RAB3C: variants seen among roughly 807,000 people sequenced by gnomAD.
RAB3C encodes ras-related protein Rab-3C.
Under a neutral mutation model 26.4 loss-of-function variants are expected in RAB3C, and 17 were observed. That is an observed-to-expected ratio of 0.64 (90% CI 0.44 to 0.97). The LOEUF (loss-of-function observed/expected upper bound fraction) is 0.97, where lower values mean the gene tolerates loss of function less well. Ranked by LOEUF, RAB3C falls within the 50% of genes least tolerant of loss-of-function variation. The pLI is 0.00. For missense variants in RAB3C, 242 were observed against 281.9 expected, an observed-to-expected ratio of 0.86 and a Z score of 1.01; for synonymous variants, 91 against 95.9, an observed-to-expected ratio of 0.95 and a Z score of 0.30.
intron 3 of RAB3C, among the ~76,000 whole-genome samples, chr5:58,726,632 C>A (rs1238539938): frequency 5.3e-5 from 8 of 151,742 alleles, no homozygotes; most frequent in Non-Finnish European, 1.0e-4. Flanking sequence ...TTCGATCTGT[C>A]CATTTATGAA....
At chr5:58,710,622 A>AT (rs1431206794) in intron 2 of RAB3C, among the ~76,000 whole-genome samples, 6 of 150,466 alleles carry the variant, frequency 4.0e-5, no homozygotes, top group Admixed American at 2.0e-4. Context: ...AAATAAATAA[A>AT]TAAATAAATA....
intron 3 of RAB3C, among the ~76,000 whole-genome samples, chr5:58,794,998 A>G (rs948056926): frequency 5.3e-5 from 8 of 152,224 alleles, no homozygotes; most frequent in Admixed American, 5.2e-4. Context: ...CCCTAATCTC[A>G]TCTTGAATCG....
At chr5:58,722,523 C>T (rs748637814) in intron 2 of RAB3C, among the ~76,000 whole-genome samples, 5 of 151,504 alleles carry the variant, frequency 3.3e-5, no homozygotes, top group Non-Finnish European at 5.9e-5. Context: ...CTGGAAAATA[C>T]GAACCCAAGC....
At chr5:58,730,291 T>G (rs1740987890) in intron 3 of RAB3C, among the ~76,000 whole-genome samples, 2 of 151,790 alleles carry the variant, frequency 1.3e-5, no homozygotes, top group Non-Finnish European at 2.9e-5. Flanking sequence ...GTAAAAAAAA[T>G]CAGAAATCTT....
intron 3 of RAB3C, among the ~76,000 whole-genome samples, chr5:58,745,148 A>C (rs1002450591): frequency 6.6e-5 from 10 of 152,188 alleles, no homozygotes; most frequent in Non-Finnish European, 2.9e-5. Flanking sequence ...CTGTAATCCA[A>C]GCACTTTGGG....
chr5:58,689,193 A>G (rs1356389002), intron 2 of RAB3C: 1 of 152,138 alleles, frequency 6.6e-6, no homozygotes, highest in South Asian at 2.1e-4. Context: ...TGACTCCAGA[A>G]CCTGAACTCT....
chr5:58,633,654 C>T (rs1459859087), intron 2 of RAB3C, among the ~76,000 whole-genome samples: 1 of 152,118 alleles, frequency 6.6e-6, no homozygotes, highest in African/African-American at 2.4e-5. Flanking sequence ...TTAACTGCCT[C>T]TTCCACTAAG....
intron 3 of RAB3C, among the ~76,000 whole-genome samples, chr5:58,736,045 TG>T (rs1310318759): frequency 1.3e-5 from 2 of 152,192 alleles, no homozygotes; most frequent in African/African-American, 2.4e-5. Context: ...CAACAATTTT[TG>T]AAGTTTCATA....
intron 1 of RAB3C, among the ~76,000 whole-genome samples, chr5:58,583,762 A>G (rs1211639366): frequency 6.6e-6 from 1 of 152,074 alleles, no homozygotes; most frequent in East Asian, 1.9e-4. Flanking sequence ...TAGCAAACAC[A>G]TCGGGGCTTG....
chr5:58,825,623 T>C (rs917047512), intron 4 of RAB3C, among the ~76,000 whole-genome samples: 1 of 152,178 alleles, frequency 6.6e-6, no homozygotes, highest in East Asian at 1.9e-4. Flanking sequence ...CTGTTACAAA[T>C]CCTTTTGAGA....
intron 3 of RAB3C, among the ~76,000 whole-genome samples, chr5:58,787,939 A>G (rs561144785): frequency 2.0e-5 from 3 of 152,046 alleles, no homozygotes; most frequent in Non-Finnish European, 4.4e-5. Context: ...AGACATCAAG[A>G]CTTTTCTTTT....
chr5:58,591,159 T>C (rs1746120490), intron 1 of RAB3C, among the ~76,000 whole-genome samples: 1 of 152,192 alleles, frequency 6.6e-6, no homozygotes, highest in Non-Finnish European at 1.5e-5. Flanking sequence ...TGTTTTTAGT[T>C]CAGCATGTGG....
chr5:58,792,015 G>A (rs1293563830), intron 3 of RAB3C, among the ~76,000 whole-genome samples: 1 of 152,200 alleles, frequency 6.6e-6, no homozygotes, highest in Non-Finnish European at 1.5e-5. Flanking sequence ...AATGGCAAAG[G>A]AAATAATGCA....
At chr5:58,816,221 G>A (rs1743212973) in intron 3 of RAB3C, among the ~76,000 whole-genome samples, 1 of 152,150 alleles carries the variant, frequency 6.6e-6, no homozygotes, top group Non-Finnish European at 1.5e-5. Context: ...TGTGGGAAGT[G>A]AAAGAAATAC....
Position 58,660,348 on chromosome 5 carries a change from T to C in RAB3C, c.252+42478T>C, listed in dbSNP as rs919248463. Among the ~76,000 whole-genome samples, 48 of 150,000 alleles carry C rather than the reference T, an allele frequency of 3.2e-4. 5 individuals are homozygous for C. The highest frequency in any genetic ancestry group is 1.2e-3 in the African/African-American group (47 of 39,366). On this transcript the variant is annotated intron_variant, in intron 2 of 4. Transcript: ENST00000282878. ...GTCCCTGAGACTGACAGTTACTATG[T>C]GGTATAAACTTCCATCATGAGAAGT...
chr5:58,821,275 G>A (rs1193640207), intron 3 of RAB3C, among the ~76,000 whole-genome samples: 1 of 152,148 alleles, frequency 6.6e-6, no homozygotes. Flanking sequence ...AACTTTTTCT[G>A]TTAACATAAG....
At chr5:58,822,294 T>C (rs1743360613) in intron 3 of RAB3C, among the ~76,000 whole-genome samples, 1 of 152,266 alleles carries the variant, frequency 6.6e-6, no homozygotes, top group Admixed American at 6.5e-5. Flanking sequence ...CTTTACTGGC[T>C]GAGTGATCTT....
chr5:58,582,779 C>G, upstream of RAB3C, among the ~76,000 whole-genome samples: 1 of 152,140 alleles, frequency 6.6e-6, no homozygotes, highest in Non-Finnish European at 1.5e-5. Flanking sequence ...CGATAGTTAG[C>G]AAAGAAAAAT....
At chr5:58,656,736 G>A (rs1013781144) in intron 2 of RAB3C, among the ~76,000 whole-genome samples, 1 of 152,136 alleles carries the variant, frequency 6.6e-6, no homozygotes, top group Admixed American at 6.5e-5. Context: ...AGGGGACAGA[G>A]GGTGACTGTG....
Sources: gnomAD v4.1 joint callset for allele counts (sites outside exome capture counted in the v4.1 genomes callset) on GRCh38, gnomAD v4.1.1 for gene constraint, MANE v1.5 for transcripts, NCBI Gene and HGNC (gene_info 2026-07-23, HGNC 2026-07-21) for gene names.